SRRT: variants seen among roughly 807,000 people sequenced by gnomAD.
SRRT encodes serrate, RNA effector molecule.
SRRT carries 32 observed loss-of-function variants against 103.2 expected under a neutral mutation model. The observed-to-expected ratio is 0.31, with a 90% CI of 0.23 to 0.42. The LOEUF (loss-of-function observed/expected upper bound fraction) is 0.42. SRRT is among the 10% of genes least tolerant of loss of function. The pLI, the probability that SRRT is intolerant of heterozygous loss-of-function variation, is 1.00. For missense variants in SRRT, 986 were observed against 1,207.5 expected (o/e 0.82, Z 2.72); for synonymous variants, 525 against 449.0 (o/e 1.17, Z -2.14).
Position 100,884,129 on chromosome 7 carries a change from C to T in SRRT, c.647C>T (p.Ala216Val). The T allele has an allele frequency of 6.2e-7, 1 of 1,612,476 alleles. No individual in the cohort carries two copies. Among genetic ancestry groups the T allele is most frequent in the Non-Finnish European group, 8.5e-7 (1 of 1,179,566 alleles). ...VGKRRQEARG[A>V]LQNRLRVFLS... ...AAGCGTCGGCAGGAGGCCCGGGGGG[C>T]CCTGCAAAACCGACTGAGGGTCTTC... Residue 216 changes from alanine (A) to valine (V), a missense_variant, in exon 6 of 20, where the codon GCC becomes GTC. Physicochemically the swap from Ala to Val is moderately conservative, Grantham distance 64. Coordinates refer to ENST00000611405, the MANE Select transcript of SRRT (RefSeq NM_015908.6).
chr7:100,886,101 C>A, intron 12 of SRRT, 146 bp from the exon 13 acceptor site: 2 of 1,250,230 alleles, frequency 1.6e-6, no homozygotes, highest in Non-Finnish European at 2.2e-6. Context: ...AGGGCGTTAG[C>A]ATGGACGGAA....
chr7:100,876,032 G>A (rs1815661797), intron 2 of SRRT: 1 of 300,620 alleles, frequency 3.3e-6, no homozygotes, highest in South Asian at 2.9e-5. Flanking sequence ...TGCCCTGGCT[G>A]GAGTGCATTG....
Position 100,886,909 on chromosome 7 carries a change from C to T in SRRT, c.1762C>T (p.Pro588Ser), listed in dbSNP as rs1267763769. The T allele has an allele frequency of 1.2e-6, 2 of 1,613,562 alleles. No individual in the cohort carries two copies. ...CAGCGGGGGCGCTCCTCCTGAGGAGCCTCCTAAGGAAGGGAACCCGGCAGA... is the reference window on the plus strand; with the variant it reads ...CAGCGGGGGCGCTCCTCCTGAGGAGTCTCCTAAGGAAGGGAACCCGGCAGA... ...GSSGGAPPEE[P>S]PKEGNPAEIN... The change falls in exon 14 of 20, where the codon CCT becomes TCT. Residue 588 changes from proline (P) to serine (S), a missense_variant. Transcript: ENST00000611405.
intron 8 of SRRT, 27 bp from the exon 9 acceptor site, chr7:100,884,895 CT>C (rs1464316075): frequency 5.6e-6 from 9 of 1,613,834 alleles, no homozygotes; most frequent in Non-Finnish European, 7.6e-6. Flanking sequence ...GGCACGCTGA[CT>C]TGTCCCCTCT....
In SRRT at chr7:100,886,324, G is replaced by A. The variant is rs149025559; in HGVS notation, c.1536G>A (p.Gln512=). ...TTCGCAACATCAACGGCATCACCCA[G>A]CACAAGCAGATTGTGCGCAACGACA... ...RRVRNINGIT[Q]HKQIVRNDIK... Residue 512 remains glutamine, a synonymous_variant, in exon 13 of 20, where the codon CAG becomes CAA. Transcript: ENST00000611405. 1.9e-6 allele frequency: 3 copies of A among 1,613,770 alleles called. No homozygotes were observed. The highest frequency in any genetic ancestry group is 2.5e-6 in the Non-Finnish European group (3 of 1,180,026).
rs191688909 is a variant in SRRT at position 100,877,531 on chromosome 7, T to A, written c.122+1819T>A. On this transcript the variant is annotated intron_variant, in intron 2 of 19. Transcript: ENST00000611405. ...TGACTGTACGTCTTTTTTAAAAAAA[T>A]TTTTTTTTGACACAGAATCTTGCTC... 7.1e-4 allele frequency among the ~76,000 whole-genome samples: 108 copies of A among 151,192 alleles called. 1 individual carries two copies. Among genetic ancestry groups the A allele is most frequent in the Admixed American group, 5.3e-3 (80 of 15,164 alleles).
At chr7:100,876,518 T>C (rs1815726959) in intron 2 of SRRT, among the ~76,000 whole-genome samples, 1 of 152,178 alleles carries the variant, frequency 6.6e-6, no homozygotes, top group African/African-American at 2.4e-5. Context: ...TTTAGGAGGA[T>C]TGCTTCAGAA....
Position 100,885,527 on chromosome 7 carries a change from G to T in SRRT, c.1317+157G>T. ...GCCTCCGAGGACTAGTCCTGATAGC[G>T]CCATTGGCTTTCAGGTGCTGGTGTT... On this transcript the variant is annotated intron_variant, in intron 10 of 19. Coordinates refer to ENST00000611405, the MANE Select transcript of SRRT (RefSeq NM_015908.6). This position sits in a 1 kb window ranked among gnomAD's most constrained non-coding sequence, Gnocchi z 4.8. The T allele has an allele frequency of 9.4e-7, 1 of 1,069,442 alleles. No individual in the cohort carries two copies. The highest frequency in any genetic ancestry group is 1.6e-5 in the South Asian group (1 of 64,204). The allele number at this position is 1,069,442 out of a possible 1,614,324, so 66.2% of individuals were successfully genotyped here. A position where few individuals can be genotyped will look rare whatever the true frequency, so the allele number is the denominator to read the frequency against.
chr7:100,875,950 G>A (rs1815649175), intron 2 of SRRT: 1 of 468,258 alleles, frequency 2.1e-6, no homozygotes, highest in South Asian at 2.2e-5. Context: ...AAGAAGCACT[G>A]TTTATACATG....
In SRRT at chr7:100,888,062, C is replaced by T. The variant is rs1189794506; in HGVS notation, c.2347C>T (p.Pro783Ser). 3.2e-6 allele frequency: 5 copies of T among 1,566,490 alleles called. No homozygotes were observed. In the Admixed American group the frequency reaches 6.0e-5, roughly 19 times the overall value. ...PAQILPPGLT[P>S]GLPYPHQTPQ... ...TGTTGTACTCCCCCCAGGTTTGACC[C>T]CAGGACTCCCCTACCCACACCAGAC... Residue 783 changes from proline (P) to serine (S), a missense_variant, in exon 18 of 20, where the codon CCA (proline) becomes TCA (serine). Pro to Ser is a moderately conservative substitution (Grantham distance 74). This residue lies in a region of SRRT where 178 missense variants were observed against 189.6 expected (regional missense o/e 0.94). Coordinates refer to ENST00000611405, the MANE Select transcript of SRRT (RefSeq NM_015908.6).
In SRRT at chr7:100,881,327, T is replaced by C. The variant is rs888741240; in HGVS notation, c.165T>C (p.Tyr55=). 1.2e-6 allele frequency: 2 copies of C among 1,613,682 alleles called. No homozygotes were observed. Among genetic ancestry groups the C allele is most frequent in the East Asian group, 4.5e-5 (2 of 44,864 alleles). The change falls in exon 3 of 20, where the codon TAT becomes TAC. Residue 55 remains tyrosine, a synonymous_variant. Transcript: ENST00000611405. ...RGRERRSRGE[Y]RDYDRNRRER... Reference sequence around the variant, plus strand: ...GTGAGCGCCGTAGTCGGGGTGAATATCGGGACTATGACCGGAATCGGCGAG... The same window carrying C: ...GTGAGCGCCGTAGTCGGGGTGAATACCGGGACTATGACCGGAATCGGCGAG...
chr7:100,879,291 G>A (rs559196372), intron 2 of SRRT, among the ~76,000 whole-genome samples: 116 of 152,156 alleles, frequency 7.6e-4, no homozygotes, highest in African/African-American at 2.7e-3. Flanking sequence ...TAGAAAGGTG[G>A]TTTCACCATG....
Position 100,885,283 on chromosome 7 carries a change from G to C in SRRT, c.1230G>C (p.Leu410=), listed in dbSNP as rs778005222. 1.9e-6 allele frequency: 3 copies of C among 1,614,084 alleles called. No homozygotes were observed. In the African/African-American group the frequency reaches 4.0e-5, roughly 22 times the overall value. ...EWEKPKDAAG[L]ECKPRPLHKT... ...AGAAGCCCAAGGACGCCGCGGGGCT[G>C]GAGTGCAAGCCGCGGCCGCTGCATA... Residue 410 remains leucine, a synonymous_variant, in exon 10 of 20, where the codon CTG becomes CTC. Coordinates refer to ENST00000611405, the MANE Select transcript of SRRT (RefSeq NM_015908.6). This position sits in a 1 kb window ranked among gnomAD's most constrained non-coding sequence, Gnocchi z 4.8.
In SRRT at chr7:100,885,986, T is replaced by C. The variant is rs368534848; in HGVS notation, c.1458+45T>C. ...CTGTGGGGAAGAGGAAGGGAGACTC[T>C]GTGCCACACGGGACCTCTGTGTGAC... On this transcript the variant is annotated intron_variant, in intron 12 of 19. Transcript: ENST00000611405. The surrounding 1 kb of genome is among the most constrained non-coding windows in gnomAD (Gnocchi z 4.8). 3.1e-6 allele frequency: 5 copies of C among 1,593,796 alleles called. No homozygotes were observed. The highest frequency in any genetic ancestry group is 4.3e-6 in the Non-Finnish European group (5 of 1,162,668).
Position 100,881,646 on chromosome 7 carries a change from C to T in SRRT, c.252-13C>T, listed in dbSNP as rs765517366. ...TCCCTTCTCTGCTTTACTTTTGTGT[C>T]CCCCACCTTCAGGGATGAGCACAGC... is the stretch of plus-strand genomic sequence containing the variant. On this transcript the variant is annotated splice_polypyrimidine_tract_variant and intron_variant, in intron 3 of 19. Coordinates refer to ENST00000611405, the MANE Select transcript of SRRT (RefSeq NM_015908.6). 1.2e-6 allele frequency: 2 copies of T among 1,613,810 alleles called. No individual in the cohort carries two copies. The highest frequency in any genetic ancestry group is 1.7e-5 in the Admixed American group (1 of 60,012).
At position 100,885,187 on chromosome 7, in the gene SRRT, T is replaced by A; in HGVS notation, c.1160-26T>A. On this transcript the variant is annotated intron_variant, in intron 9 of 19. Transcript: ENST00000611405. The surrounding 1 kb of genome is among the most constrained non-coding windows in gnomAD (Gnocchi z 4.8). Reference sequence around the variant, plus strand: ...CAATCAGTAATAAAAATGCACCAACTCCTTCCTACCCCCCTTCCTGCCTAG... The same window carrying A: ...CAATCAGTAATAAAAATGCACCAACACCTTCCTACCCCCCTTCCTGCCTAG... The A allele has an allele frequency of 6.2e-7, 1 of 1,608,780 alleles. No individual in the cohort carries two copies.
At chr7:100,886,502 C>A in intron 13 of SRRT, 67 bp downstream of exon 13, 2 of 1,473,056 alleles carry the variant, frequency 1.4e-6, no homozygotes, top group Admixed American at 4.1e-5. Context: ...GCACCTCTGA[C>A]CTTACCTATC....
At position 100,887,869 on chromosome 7, in the gene SRRT, G is replaced by A; in HGVS notation, c.2326+10G>A. On this transcript the variant is annotated intron_variant, in intron 17 of 19. Transcript: ENST00000611405. The surrounding 1 kb of genome is among the most constrained non-coding windows in gnomAD (Gnocchi z 4.1). The stretch of plus-strand genomic sequence containing the variant: ...CCTGGCCCCGCCCAGAGTAAGATAC[G>A]ATCCATGAAGGTCGCATGTGCCCTC... 2.5e-6 allele frequency: 4 copies of A among 1,593,428 alleles called. No individual in the cohort carries two copies. The highest frequency in any genetic ancestry group is 1.1e-5 in the South Asian group (1 of 90,520).
chr7:100,886,688 T>C lies in SRRT; in HGVS notation c.1648-107T>C, dbSNP rs1194414404. 3.1e-6 allele frequency: 4 copies of C among 1,303,230 alleles called. No individual in the cohort carries two copies. In the African/African-American group the frequency reaches 4.4e-5, roughly 14 times the overall value. 80.7% of individuals were successfully genotyped at this position (1,303,230 alleles called of 1,614,324 possible). On this transcript the variant is annotated intron_variant, in intron 13 of 19. Transcript: ENST00000611405. ...TCAAGGGGGCAAAAGGTGCCATTTA[T>C]GTCCGGTGAACTCCTGTCCCCTCGC... is the stretch of plus-strand genomic sequence containing the variant.
Sources: gnomAD v4.1 joint callset for allele counts (sites outside exome capture counted in the v4.1 genomes callset) on GRCh38, gnomAD v4.1.1 for gene constraint, gnomAD v4.1.1 regional missense constraint, Gnocchi (gnomAD v3.1) non-coding constraint, MANE v1.5 for transcripts, NCBI Gene and HGNC (gene_info 2026-07-23, HGNC 2026-07-21) for gene names.